The following DDX21 variants were observed in gnomAD, a reference collection of about 807,000 sequenced individuals.
DDX21 encodes DExD-box helicase 21.
Under a neutral mutation model 90.0 loss-of-function variants are expected in DDX21, and 18 were observed. The observed-to-expected ratio is 0.20, with a 90% CI of 0.14 to 0.30. DDX21 has a LOEUF of 0.30. Ranked by LOEUF, DDX21 falls within the 10% of genes least tolerant of loss-of-function variation. The pLI, the probability that DDX21 is intolerant of heterozygous loss-of-function variation, is 1.00. For missense variants in DDX21, 673 were observed against 944.5 expected (o/e 0.71, Z 3.77); for synonymous variants, 294 against 318.0 (o/e 0.92, Z 0.80).
At chr10:68,963,216 G>A in intron 3 of DDX21, 75 bp from the exon 4 acceptor site, 2 of 1,420,674 alleles carry the variant, frequency 1.4e-6, no homozygotes, top group Non-Finnish European at 1.9e-6. Context: ...AGCATGAGTA[G>A]TATACTTCAG....
intron 12 of DDX21, among the ~76,000 whole-genome samples, chr10:68,978,436 G>A (rs757813089): frequency 2.0e-5 from 3 of 152,066 alleles, no homozygotes; most frequent in Non-Finnish European, 2.9e-5. Context: ...ATATATATGC[G>A]CATAAATGCA....
At chr10:68,962,235 A>G in intron 3 of DDX21, 78 bp downstream of exon 3, 1 of 1,106,440 alleles carries the variant, frequency 9.0e-7, no homozygotes. Flanking sequence ...TGTTAAGATG[A>G]ACCAGGATGT....
chr10:68,967,255 ACT>A (rs1239339164), intron 6 of DDX21, 52 bp downstream of exon 6: 1 of 1,553,192 alleles, frequency 6.4e-7, no homozygotes, highest in Non-Finnish European at 8.7e-7. Flanking sequence ...AAGGGTGGTA[ACT>A]CTGTCTCCTG....
intron 13 of DDX21, among the ~76,000 whole-genome samples, chr10:68,980,251 T>TC (rs1564630636): frequency 2.7e-5 from 4 of 150,834 alleles, no homozygotes; most frequent in Non-Finnish European, 4.4e-5. Context: ...AAAAAAAAAA[T>TC]TTTATATATA....
intron 3 of DDX21, 147 bp from the exon 4 acceptor site, chr10:68,963,139 ACGTAT>A (rs1284850666): frequency 2.8e-6 from 2 of 725,730 alleles, no homozygotes; most frequent in Non-Finnish European, 4.3e-6. Context: ...TAAAAAATAT[ACGTAT>A]TTGAGCCTAA....
chr10:68,978,550 CT>C (rs1449569273), intron 12 of DDX21, among the ~76,000 whole-genome samples: 1 of 152,084 alleles, frequency 6.6e-6, no homozygotes, highest in East Asian at 1.9e-4. Context: ...TTACATGTAG[CT>C]GTAAGAAATA....
intron 1 of DDX21, among the ~76,000 whole-genome samples, chr10:68,957,041 C>CAAAA (rs34149138): frequency 7.2e-6 from 1 of 138,210 alleles, no homozygotes; most frequent in African/African-American, 2.7e-5. Flanking sequence ...AACTCCATCT[C>CAAAA]AAAAAAAAAA....
intron 6 of DDX21, among the ~76,000 whole-genome samples, chr10:68,967,966 C>T (rs12248468): frequency 0.074 from 11,188 of 151,894 alleles, 549 homozygotes; most frequent in African/African-American, 0.13. Flanking sequence ...GGGATCTTGG[C>T]TCATTGCAGC....
intron 9 of DDX21, 26 bp downstream of exon 9, chr10:68,972,078 T>G (rs377436158): frequency 6.3e-7 from 1 of 1,584,192 alleles, no homozygotes; most frequent in African/African-American, 1.4e-5. Context: ...TTAGATTTTA[T>G]TTTGTTTTGT....
chr10:68,971,797 A>G, intron 8 of DDX21, 94 bp from the exon 9 acceptor site: 1 of 1,315,696 alleles, frequency 7.6e-7, no homozygotes, highest in South Asian at 1.4e-5. Flanking sequence ...CATGTCACCA[A>G]AATATGAATG....
chr10:68,963,037 G>A (rs1842892319), intron 3 of DDX21, among the ~76,000 whole-genome samples: 1 of 151,784 alleles, frequency 6.6e-6, no homozygotes, highest in Admixed American at 6.6e-5. Context: ...TGAGGCAGGA[G>A]GATCACTTGA....
At chr10:68,971,832 GAGAAA>G (rs1191531371) in intron 8 of DDX21, 54 bp from the exon 9 acceptor site, 119 of 1,556,222 alleles carry the variant, frequency 7.6e-5, no homozygotes, top group Non-Finnish European at 9.9e-5. Flanking sequence ...AACTGATGAA[GAGAAA>G]AAGTACTTGT....
chr10:68,980,113 G>C (rs533064597), intron 13 of DDX21, among the ~76,000 whole-genome samples: 20 of 152,276 alleles, frequency 1.3e-4, no homozygotes, highest in African/African-American at 4.6e-4. Flanking sequence ...AATGGCGCAT[G>C]CCTGTAATCC....
Position 68,977,543 on chromosome 10 carries a change from T to C in DDX21, c.1757T>C (p.Val586Ala), listed in dbSNP as rs1016335673. Residue 586 changes from valine (V) to alanine (A), a missense_variant, in exon 12 of 15, where the codon GTG becomes GCG. Around this residue, in one of 4 missense-constraint regions of DDX21, gnomAD observed 225 missense variants for 298.8 expected, o/e 0.75. Coordinates refer to ENST00000354185, the MANE Select transcript of DDX21 (RefSeq NM_004728.4). ...TCAAACAACAGGCTTTTGGATTCCG[T>C]GCCTCCCACTGCCATTAGTCACTTC... is the stretch of plus-strand genomic sequence containing the variant. ...SKDAIRLLDS[V>A]PPTAISHFKQ... is the part of the protein sequence containing the mutation. 6.2e-7 allele frequency: 1 copy of C among 1,610,178 alleles called. No individual in the cohort carries two copies. Among genetic ancestry groups the C allele is most frequent in the African/African-American group, 1.3e-5 (1 of 74,956 alleles).
intron 10 of DDX21, 151 bp downstream of exon 10, chr10:68,973,815 T>C: frequency 9.8e-7 from 1 of 1,021,638 alleles, no homozygotes; most frequent in Non-Finnish European, 1.3e-6. Context: ...TGTCCTGTGA[T>C]AAAAGGCCCA....
At chr10:68,977,381 A>G (rs1843116162) in intron 11 of DDX21, 148 bp from the exon 12 acceptor site, 1 of 639,490 alleles carries the variant, frequency 1.6e-6, no homozygotes, top group Non-Finnish European at 2.5e-6. Context: ...TTATTACTAT[A>G]GAAATATGAT....
rs765528334 is a variant in DDX21 at position 68,973,528 on chromosome 10, G to A, written c.1549-17G>A. On this transcript the variant is annotated splice_polypyrimidine_tract_variant and intron_variant, in intron 9 of 14. Transcript: ENST00000354185. Reference sequence around the variant, plus strand: ...TCTTTTTTGGTTTAGTGTTACTCATGTATTTTACTTCAATAGGATGTAGAG... The same window carrying A: ...TCTTTTTTGGTTTAGTGTTACTCATATATTTTACTTCAATAGGATGTAGAG... 5 of 1,613,772 alleles carry A rather than the reference G, an allele frequency of 3.1e-6. No homozygotes were observed. In the Admixed American group the frequency reaches 6.7e-5, roughly 22 times the overall value.
At chr10:68,981,963 TC>T (rs1479958036) in intron 14 of DDX21, among the ~76,000 whole-genome samples, 1 of 152,140 alleles carries the variant, frequency 6.6e-6, no homozygotes, top group Non-Finnish European at 1.5e-5. Context: ...TACCTCCGCC[TC>T]CCGGGTTCAA....
chr10:68,963,477 T>C lies in DDX21; in HGVS notation c.786+8T>C. 1 of 1,602,836 alleles carries C rather than the reference T, an allele frequency of 6.2e-7. No individual in the cohort carries two copies. The highest frequency in any genetic ancestry group is 8.5e-7 in the Non-Finnish European group (1 of 1,175,012). ...AGAGGCCGTGCCCCTCAGGTAACTG[T>C]CTTAAATACAAGGGCTCTCAGTCAG... On this transcript the variant is annotated splice_region_variant and intron_variant, in intron 4 of 14. Transcript: ENST00000354185.
Sources: gnomAD v4.1 joint callset for allele counts (sites outside exome capture counted in the v4.1 genomes callset) on GRCh38, gnomAD v4.1.1 for gene constraint, gnomAD v4.1.1 regional missense constraint, MANE v1.5 for transcripts, NCBI Gene and HGNC (gene_info 2026-07-23, HGNC 2026-07-21) for gene names.